The following LPCAT2 variants were observed in gnomAD, a reference collection of about 807,000 sequenced individuals.
The protein encoded by LPCAT2 is 1-AGP acyltransferase 11.
In LPCAT2, 58 loss-of-function variants were observed where a neutral mutation model predicts 64.7. The ratio of observed to expected loss-of-function variants is 0.90; its 90% CI spans 0.73 to 1.12. LPCAT2 has a LOEUF of 1.12. LPCAT2 is among the 50% of genes most tolerant of loss of function. LPCAT2 has a pLI of 0.00. For synonymous variants in LPCAT2, 252 were observed against 245.3 expected (o/e 1.03, Z -0.26); for missense variants, 579 against 669.8 (o/e 0.86, Z 1.50).
rs143707957 is a variant in LPCAT2, at chr16:55,537,792, TAGAA to T, written c.852+162_852+165del. Among the ~76,000 whole-genome samples, 741 of 152,328 alleles carry T rather than the reference TAGAA, an allele frequency of 4.9e-3. 5 individuals carry two copies. The highest frequency in any genetic ancestry group is 0.017 in the African/African-American group (693 of 41,584). On this transcript the variant is annotated intron_variant, in intron 8 of 13. Coordinates refer to ENST00000262134, the MANE Select transcript of LPCAT2 (RefSeq NM_017839.5). Reference sequence around the variant, plus strand: ...TCAGATTTAGCCCTTGAAATCATGTTAGAAAACACCTCTAGATTCTGGGAACTTG... The same window carrying T: ...TCAGATTTAGCCCTTGAAATCATGTTAACACCTCTAGATTCTGGGAACTTG...
rs116647611 is a variant in LPCAT2, at chr16:55,575,961, C to A, written c.1314+1232C>A. Among the ~76,000 whole-genome samples, 878 of 152,274 alleles carry A rather than the reference C, an allele frequency of 5.8e-3. 10 individuals carry two copies. The highest frequency in any genetic ancestry group is 0.016 in the African/African-American group (673 of 41,572). ...AAATTACACACATAGCTAACTTATT[C>A]TTCTGATCTAGATATTTCTGTTTCT... On this transcript the variant is annotated intron_variant, in intron 12 of 13. Coordinates refer to ENST00000262134, the MANE Select transcript of LPCAT2 (RefSeq NM_017839.5).
chr16:55,541,941 G>T (rs1467322938), intron 8 of LPCAT2: 1 of 1,262,884 alleles, frequency 7.9e-7, no homozygotes, highest in Non-Finnish European at 1.0e-6. Context: ...ATTACACAAA[G>T]AACTAGAACT....
chr16:55,539,459 G>T (rs1331916222), intron 8 of LPCAT2: 5 of 151,924 alleles, frequency 3.3e-5, no homozygotes, highest in African/African-American at 1.2e-4. Context: ...AAGAGGATGG[G>T]AATTTGTGGA....
Position 55,582,968 on chromosome 16 carries a change from C to T in LPCAT2, c.1505C>T (p.Thr502Ile). 6.2e-7 allele frequency: 1 copy of T among 1,613,664 alleles called. No individual in the cohort carries two copies. Among genetic ancestry groups the T allele is most frequent in the East Asian group, 2.2e-5 (1 of 44,844 alleles). Residue 502 changes from threonine (T) to isoleucine (I), a missense_variant, in exon 14 of 14, where the codon ACA (threonine) becomes ATA (isoleucine). Transcript: ENST00000262134. ...CCAGAATATGCTAAGATATTTACAA[C>T]ATACCTAGACCTCCAGACGTGCCAT... ...KHPEYAKIFT[T>I]YLDLQTCHVF...
At chr16:55,537,483 G>A (rs1814810607) in intron 7 of LPCAT2, 95 bp from the exon 8 acceptor site, 1 of 925,966 alleles carries the variant, frequency 1.1e-6, no homozygotes, top group Non-Finnish European at 1.7e-6. Flanking sequence ...GAAGTGTGAT[G>A]TGAGGGTATT....
At chr16:55,576,055 G>T (rs1183580661) in intron 12 of LPCAT2, among the ~76,000 whole-genome samples, 2 of 152,120 alleles carry the variant, frequency 1.3e-5, no homozygotes, top group Non-Finnish European at 2.9e-5. Flanking sequence ...ACCAATGAAA[G>T]ACCTGATATA....
intron 11 of LPCAT2, among the ~76,000 whole-genome samples, chr16:55,564,932 A>C (rs537161891): frequency 6.6e-6 from 1 of 152,034 alleles, no homozygotes; most frequent in Non-Finnish European, 1.5e-5. Flanking sequence ...AAATATTTAC[A>C]AATTATATAT....
intron 8 of LPCAT2, chr16:55,542,066 G>T (rs1963404959): frequency 1.1e-6 from 1 of 876,138 alleles, no homozygotes; most frequent in Non-Finnish European, 1.5e-6. Flanking sequence ...TAGTAGAAAG[G>T]AATGTGCTTG....
chr16:55,527,396 C>T (rs546665724), intron 2 of LPCAT2, among the ~76,000 whole-genome samples: 1 of 149,356 alleles, frequency 6.7e-6, no homozygotes, highest in Admixed American at 6.8e-5. Context: ...AGGAGAATCG[C>T]TTGTACCTGG....
At chr16:55,553,869 C>A (rs969260455) in intron 11 of LPCAT2, among the ~76,000 whole-genome samples, 1 of 152,166 alleles carries the variant, frequency 6.6e-6, no homozygotes, top group Admixed American at 6.5e-5. Context: ...CTATGGGTGG[C>A]AGAATGGATG....
chr16:55,515,406 A>C (rs1211311414), intron 1 of LPCAT2, among the ~76,000 whole-genome samples: 1 of 152,162 alleles, frequency 6.6e-6, no homozygotes, highest in African/African-American at 2.4e-5. Context: ...CTTAAAATGA[A>C]GTATAAATGA....
chr16:55,546,593 GTA>G (rs1963456324), intron 9 of LPCAT2, among the ~76,000 whole-genome samples: 1 of 152,146 alleles, frequency 6.6e-6, no homozygotes, highest in Non-Finnish European at 1.5e-5. Flanking sequence ...AGCCAGCCAT[GTA>G]TATGTGTATA....
chr16:55,519,913 C>G (rs1158637035), intron 1 of LPCAT2, among the ~76,000 whole-genome samples: 1 of 151,150 alleles, frequency 6.6e-6, no homozygotes, highest in Non-Finnish European at 1.5e-5. Context: ...AGCAAAGGAG[C>G]CATAAAAGAA....
intron 9 of LPCAT2, among the ~76,000 whole-genome samples, chr16:55,547,940 G>T (rs576903355): frequency 1.7e-4 from 26 of 152,116 alleles, no homozygotes; most frequent in African/African-American, 6.3e-4. Context: ...GCTAATTTTT[G>T]TATTTTTAGT....
chr16:55,541,988 C>A (rs1227530422), intron 8 of LPCAT2: 1 of 1,173,828 alleles, frequency 8.5e-7, no homozygotes, highest in East Asian at 6.0e-5. Flanking sequence ...AAATTATTTT[C>A]TGTTACAAGG....
intron 11 of LPCAT2, among the ~76,000 whole-genome samples, chr16:55,566,211 C>A (rs1338544497): frequency 1.3e-5 from 2 of 152,172 alleles, no homozygotes. Context: ...CAGGACCTTG[C>A]ATTTTAAAAA....
intron 2 of LPCAT2, chr16:55,525,855 G>A (rs766423820): frequency 3.1e-5 from 10 of 318,564 alleles, no homozygotes; most frequent in Middle Eastern, 8.3e-4. Flanking sequence ...TATGAAATAC[G>A]TAGAAATTAC....
intron 9 of LPCAT2, 77 bp downstream of exon 9, chr16:55,545,894 AT>A (rs1246031465): frequency 1.6e-3 from 1,838 of 1,176,170 alleles, no homozygotes; most frequent in South Asian, 2.1e-3. Flanking sequence ...CATTTTAAGG[AT>A]TTTTTTTTGA....
At chr16:55,536,038 AAC>A (rs1963320036) in intron 7 of LPCAT2, among the ~76,000 whole-genome samples, 2 of 152,200 alleles carry the variant, frequency 1.3e-5, no homozygotes, top group Non-Finnish European at 2.9e-5. Flanking sequence ...CTTTTAAACA[AAC>A]ACAAAATCTT....
Sources: gnomAD v4.1 joint callset for allele counts (sites outside exome capture counted in the v4.1 genomes callset) on GRCh38, gnomAD v4.1.1 for gene constraint, MANE v1.5 for transcripts, NCBI Gene and HGNC (gene_info 2026-07-23, HGNC 2026-07-21) for gene names.